SPTBN1: variants seen among roughly 807,000 people sequenced by gnomAD.
SPTBN1 encodes the protein spectrin beta, non-erythrocytic 1, also known as spectrin beta chain, non-erythrocytic 1.
In SPTBN1, 32 loss-of-function variants were observed where a neutral mutation model predicts 266.4. The ratio of observed to expected loss-of-function variants is 0.12; its 90% confidence interval spans 0.09 to 0.16. The LOEUF is 0.16. Among genes scored for constraint, SPTBN1 ranks in the 10% least tolerant of loss-of-function variants. The pLI is 1.00. For synonymous variants in SPTBN1, 1,336 were observed against 1,162.2 expected, an observed-to-expected ratio of 1.15 and a Z score of -3.04; for missense variants, 2,296 against 3,067.1, an observed-to-expected ratio of 0.75 and a Z score of 5.94.
intron 2 of SPTBN1, among the ~76,000 whole-genome samples, chr2:54,598,383 G>C (rs1676245640): frequency 6.6e-6 from 1 of 152,042 alleles, no homozygotes; most frequent in Non-Finnish European, 1.5e-5. Context: ...TGAAACCTTG[G>C]GCCCAGACCC....
At chr2:54,526,715 T>TA (rs546597224) in intron 2 of SPTBN1, 149 bp downstream of exon 2, 391 of 940,728 alleles carry the variant, frequency 4.2e-4, no homozygotes, top group Middle Eastern at 1.1e-3. Context: ...CTGACCATTT[T>TA]ATAAGGTAGT....
intron 26 of SPTBN1, among the ~76,000 whole-genome samples, chr2:54,650,528 G>A (rs1680204876): frequency 6.6e-6 from 1 of 152,038 alleles, no homozygotes; most frequent in Non-Finnish European, 1.5e-5. Context: ...ACAGTTTCTT[G>A]TTTAGTCTTA....
intron 27 of SPTBN1, 91 bp from the exon 28 acceptor site, chr2:54,654,979 A>G: frequency 2.8e-5 from 28 of 1,001,008 alleles, no homozygotes; most frequent in Non-Finnish European, 4.0e-5. Flanking sequence ...CAAGGCCATC[A>G]GTTTCTTTCA....
intron 2 of SPTBN1, among the ~76,000 whole-genome samples, chr2:54,531,615 T>G (rs967810142): frequency 9.9e-5 from 15 of 151,952 alleles, no homozygotes; most frequent in Non-Finnish European, 1.5e-4. Context: ...TTTGTTTTTT[T>G]TTTTTAATGT....
chr2:54,522,112 G>A (rs1231827614), intron 1 of SPTBN1, among the ~76,000 whole-genome samples: 1 of 151,546 alleles, frequency 6.6e-6, no homozygotes, highest in South Asian at 2.1e-4. Context: ...GTGTTGTCCA[G>A]TCTGGTCTTT....
At chr2:54,494,894 A>C (rs188066815) in intron 1 of SPTBN1, among the ~76,000 whole-genome samples, 1 of 144,322 alleles carries the variant, frequency 6.9e-6, no homozygotes, top group African/African-American at 2.7e-5. Flanking sequence ...TATCAGTTAT[A>C]CCTGAATAAA....
chr2:54,529,461 A>G (rs1671062123), intron 2 of SPTBN1: 2 of 713,730 alleles, frequency 2.8e-6, no homozygotes, highest in South Asian at 1.3e-5. Flanking sequence ...AAAAAAAAGA[A>G]GATCCGCATG....
intron 2 of SPTBN1, among the ~76,000 whole-genome samples, chr2:54,583,914 G>A (rs1283194261): frequency 6.6e-6 from 1 of 152,000 alleles, no homozygotes; most frequent in Admixed American, 6.6e-5. Flanking sequence ...CCTTTAATGG[G>A]AACGCTCTTT....
chr2:54,639,866 G>T (rs1173330230), intron 18 of SPTBN1, among the ~76,000 whole-genome samples: 1 of 152,194 alleles, frequency 6.6e-6, no homozygotes, highest in Non-Finnish European at 1.5e-5. Context: ...GGCTTTTTAT[G>T]TCCAGGAGAT....
intron 1 of SPTBN1, among the ~76,000 whole-genome samples, chr2:54,472,827 A>G (rs916253970): frequency 2.0e-5 from 3 of 152,220 alleles, no homozygotes; most frequent in African/African-American, 7.2e-5. Flanking sequence ...AATTTCCAGG[A>G]TTTATATGTT....
chr2:54,658,069 G>A (rs1157735123), intron 30 of SPTBN1, 23 bp downstream of exon 30: 2 of 1,613,770 alleles, frequency 1.2e-6, no homozygotes, highest in Admixed American at 1.7e-5. Flanking sequence ...TGGGCCCTTT[G>A]TCTGTTGGTG....
At chr2:54,655,702 G>C (rs1425690089) in intron 28 of SPTBN1, among the ~76,000 whole-genome samples, 1 of 152,222 alleles carries the variant, frequency 6.6e-6, no homozygotes. Context: ...CTTTGGCAGG[G>C]CTTCCGCGCC....
chr2:54,484,964 A>T (rs1413260768), intron 1 of SPTBN1, among the ~76,000 whole-genome samples: 1 of 152,202 alleles, frequency 6.6e-6, no homozygotes, highest in Non-Finnish European at 1.5e-5. Context: ...AAAAAATACA[A>T]ACCATTATCA....
At chr2:54,612,729 C>T (rs1348335595) in intron 4 of SPTBN1, among the ~76,000 whole-genome samples, 1 of 152,180 alleles carries the variant, frequency 6.6e-6, no homozygotes, top group African/African-American at 2.4e-5. Context: ...CTCAACTTCA[C>T]TCAACTATGA....
intron 2 of SPTBN1, among the ~76,000 whole-genome samples, chr2:54,532,826 G>A (rs993975707): frequency 6.6e-6 from 1 of 152,154 alleles, no homozygotes; most frequent in Non-Finnish European, 1.5e-5. Flanking sequence ...CCTAATTTGT[G>A]TTGATTCTAC....
chr2:54,486,570 G>A (rs535463546), intron 1 of SPTBN1, among the ~76,000 whole-genome samples: 48 of 152,212 alleles, frequency 3.2e-4, no homozygotes, highest in African/African-American at 1.1e-3. Context: ...AGTACCCAGG[G>A]ACACAAATAC....
In SPTBN1 at chr2:54,653,521, G is replaced by A. The variant is rs936644070; in HGVS notation, c.5578-88G>A. 6.5e-7 allele frequency: 1 copy of A among 1,543,208 alleles called. No individual in the cohort carries two copies. The highest frequency in any genetic ancestry group is 1.4e-5 in the African/African-American group (1 of 72,106). The stretch of plus-strand genomic sequence containing the variant: ...ATATTTTGACTCTGTGCTCCCTTTA[G>A]TGTATGAGCAGAACAGAATAGGGCT... On this transcript the variant is annotated intron_variant, in intron 26 of 35. Coordinates refer to ENST00000356805, the MANE Select transcript of SPTBN1 (RefSeq NM_003128.3). This position sits in a 1 kb window ranked among gnomAD's most constrained non-coding sequence, Gnocchi z 5.1.
At chr2:54,470,563 A>G (rs183067865) in intron 1 of SPTBN1, among the ~76,000 whole-genome samples, 64 of 152,362 alleles carry the variant, frequency 4.2e-4, no homozygotes, top group Non-Finnish European at 8.2e-4. Context: ...ATGTAGCAGC[A>G]TTTGAATGGC....
intron 2 of SPTBN1, chr2:54,529,851 CCAAAAAA>C: frequency 4.9e-4 from 29 of 59,502 alleles, no homozygotes; most frequent in South Asian, 3.3e-3. Flanking sequence ...TCTCTTTTCA[CCAAAAAA>C]AAAAAAAAAA....
Sources: gnomAD v4.1 joint callset for allele counts (sites outside exome capture counted in the v4.1 genomes callset) on GRCh38, gnomAD v4.1.1 for gene constraint, Gnocchi (gnomAD v3.1) non-coding constraint, MANE v1.5 for transcripts, NCBI Gene and HGNC (gene_info 2026-07-23, HGNC 2026-07-21) for gene names.